The following DSE variants were observed in gnomAD, a reference collection of about 807,000 sequenced individuals.
The protein encoded by DSE is dermatan sulfate epimerase, also known as dermatan-sulfate epimerase.
In DSE, 36 loss-of-function variants were observed where a neutral mutation model predicts 84.4. The observed-to-expected ratio is 0.43, with a 90% CI of 0.33 to 0.56. DSE has a LOEUF of 0.56. Among genes scored for constraint, DSE ranks in the 20% least tolerant of loss-of-function variants. DSE has a pLI of 0.06. For synonymous variants in DSE, 410 were observed against 430.1 expected, an observed-to-expected ratio of 0.95 and a Z score of 0.58; for missense variants, 862 against 1,169.6, an observed-to-expected ratio of 0.74 and a Z score of 3.84.
intron 3 of DSE, among the ~76,000 whole-genome samples, chr6:116,429,612 T>G (rs1433242519): frequency 6.6e-6 from 1 of 152,220 alleles, no homozygotes; most frequent in African/African-American, 2.4e-5. Context: ...AAGGATTAAC[T>G]AAGATTCTGT....
intron 2 of DSE, among the ~76,000 whole-genome samples, chr6:116,273,838 T>TG (rs1260490867): frequency 2.0e-5 from 3 of 150,736 alleles, no homozygotes; most frequent in Non-Finnish European, 4.4e-5. Flanking sequence ...TTTTTTGTTT[T>TG]TTTTTTTTTT....
rs989140636 is a variant in DSE, at chr6:116,426,804, G to T, written c.647G>T (p.Gly216Val). 1 of 1,613,888 alleles carries T rather than the reference G, an allele frequency of 6.2e-7. No homozygotes were observed. Among genetic ancestry groups the T allele is most frequent in the Admixed American group, 1.7e-5 (1 of 60,020 alleles). ...QPTNCMALLT[G>V]SLVLMNQGYL... ...ACCAACTGTATGGCTTTGCTCACGG[G>T]AAGCCTAGTCCTGATGAATCAAGGT... Residue 216 changes from glycine to valine, a missense_variant, in exon 3 of 6, where the codon GGA becomes GTA. By Grantham distance (109) the Gly-to-Val change is moderately radical (BLOSUM62 -3). Around this residue, in one of 4 missense-constraint regions of DSE, gnomAD observed 309 missense variants for 516.9 expected, o/e 0.60. Transcript: ENST00000644252.
intron 2 of DSE, among the ~76,000 whole-genome samples, chr6:116,281,566 A>G (rs1307565147): frequency 6.6e-6 from 1 of 152,164 alleles, no homozygotes; most frequent in African/African-American, 2.4e-5. Flanking sequence ...TTCAATATCA[A>G]GACCAGAAAT....
intron 2 of DSE, among the ~76,000 whole-genome samples, chr6:116,364,218 T>A (rs1183150679): frequency 6.6e-6 from 1 of 152,244 alleles, no homozygotes; most frequent in East Asian, 1.9e-4. Context: ...AACATTTTTT[T>A]AAAATGGCAG....
intron 2 of DSE, among the ~76,000 whole-genome samples, chr6:116,296,866 G>A (rs1460328231): frequency 6.6e-6 from 1 of 152,136 alleles, no homozygotes; most frequent in Non-Finnish European, 1.5e-5. Context: ...GTGAGAATCT[G>A]TTTGAATTTT....
At chr6:116,407,574 C>T (rs1782015799) in intron 2 of DSE, among the ~76,000 whole-genome samples, 1 of 152,168 alleles carries the variant, frequency 6.6e-6, no homozygotes, top group Admixed American at 6.5e-5. Context: ...CTTACAAATT[C>T]ACTGTCTTCC....
rs1161595975 is a variant in DSE, at chr6:116,436,510, A to G, written c.2042A>G (p.Gln681Arg). 1 of 1,614,158 alleles carries G rather than the reference A, an allele frequency of 6.2e-7. No individual in the cohort carries two copies. The highest frequency in any genetic ancestry group is 8.5e-7 in the Non-Finnish European group (1 of 1,179,998). ...AGCTTCACTGTCCACGGAGACTCTC[A>G]GCAACTGGATGTGTTCATAGCCACC... ...VQSFTVHGDS[Q>R]QLDVFIATSK... Residue 681 changes from glutamine to arginine, a missense_variant, in exon 6 of 6, where the codon CAG becomes CGG. Gln to Arg is a conservative substitution (Grantham distance 43). Coordinates refer to ENST00000644252, the MANE Select transcript of DSE (RefSeq NM_013352.4).
chr6:116,430,717 A>G (rs1343660431), intron 3 of DSE, among the ~76,000 whole-genome samples: 1 of 152,092 alleles, frequency 6.6e-6, no homozygotes, highest in Non-Finnish European at 1.5e-5. Flanking sequence ...AATTTTTTGT[A>G]ATTTTAGTGG....
At chr6:116,298,260 T>C (rs768702351) in intron 2 of DSE, among the ~76,000 whole-genome samples, 1 of 152,180 alleles carries the variant, frequency 6.6e-6, no homozygotes, top group African/African-American at 2.4e-5. Flanking sequence ...TCATAACCTG[T>C]GAATATGCTG....
intron 2 of DSE, among the ~76,000 whole-genome samples, chr6:116,314,616 A>T (rs1281041115): frequency 6.6e-6 from 1 of 152,196 alleles, no homozygotes; most frequent in Non-Finnish European, 1.5e-5. Context: ...GCTCTGGACT[A>T]AATATATTTG....
At chr6:116,390,661 A>G (rs997058929) in intron 1 of DSE, among the ~76,000 whole-genome samples, 3 of 152,196 alleles carry the variant, frequency 2.0e-5, no homozygotes, top group Non-Finnish European at 4.4e-5. Flanking sequence ...ATTGTAATAA[A>G]GAAATACTAA....
chr6:116,369,353 A>G (rs993617418), upstream of DSE, among the ~76,000 whole-genome samples: 1 of 152,274 alleles, frequency 6.6e-6, no homozygotes, highest in African/African-American at 2.4e-5. Context: ...CTTACGGATT[A>G]CATAATACAG....
intron 2 of DSE, among the ~76,000 whole-genome samples, chr6:116,317,154 G>T (rs1308668110): frequency 6.6e-6 from 1 of 152,174 alleles, no homozygotes; most frequent in East Asian, 1.9e-4. Flanking sequence ...AAGGCTGTTG[G>T]GGAATCCTCA....
rs138299432 is a variant in DSE, at chr6:116,279,553, G to A, written c.-54+20586G>A. ...GCCCTCTTCCTGCCCGGCTTTGATC[G>A]CCACATGACCGCGACCCCCAACAAC... is the stretch of plus-strand genomic sequence containing the variant. On this transcript the variant is annotated intron_variant, in intron 2 of 3. Transcript: ENST00000430252. The A allele has an allele frequency of 4.1e-5, 65 of 1,603,770 alleles. 1 individual carries two copies. The African/African-American group carries it at 8.1e-4, about 20-fold the overall frequency.
chr6:116,441,618 G>T lies in DSE; in HGVS notation c.*4273G>T, dbSNP rs887079208. The T allele has an allele frequency of 6.6e-6, 1 of 152,194 alleles. No homozygotes were observed. Among genetic ancestry groups the T allele is most frequent in the Non-Finnish European group, 1.5e-5 (1 of 68,046 alleles). The allele number at this position is 152,194 out of a possible 1,614,324, so 9.4% of individuals were successfully genotyped here. On this transcript the variant is annotated 3_prime_UTR_variant, in exon 6 of 6. Transcript: ENST00000644252. ...AGTCAGGGTAAGGAGACTGGGAAGAGGAGGCCATAATTTTAAATGTGGTGA... is the reference window on the plus strand; with the variant it reads ...AGTCAGGGTAAGGAGACTGGGAAGATGAGGCCATAATTTTAAATGTGGTGA...
rs536981826 is a variant in DSE at position 116,375,412 on chromosome 6, G to A, written c.-54+4291G>A. On this transcript the variant is annotated intron_variant, in intron 1 of 5. Transcript: ENST00000644252. ...CTAGCTACTTGGGAGGCTGAGATGG[G>A]AGGATCACTTGAGCCCAGGAGTTCG... 359 of 343,734 alleles carry A rather than the reference G, an allele frequency of 1.0e-3. 1 individual carries two copies. Among genetic ancestry groups the A allele is most frequent in the Non-Finnish European group, 1.4e-3 (343 of 243,596 alleles). 21.3% of individuals were successfully genotyped at this position (343,734 alleles called of 1,614,324 possible). A position where few individuals can be genotyped will look rare whatever the true frequency, so the allele number is the denominator to read the frequency against.
chr6:116,333,279 T>C (rs1777058673), intron 2 of DSE, among the ~76,000 whole-genome samples: 1 of 152,212 alleles, frequency 6.6e-6, no homozygotes, highest in Non-Finnish European at 1.5e-5. Flanking sequence ...CTCATGGTTC[T>C]GGAGGCTGGG....
intron 2 of DSE, among the ~76,000 whole-genome samples, chr6:116,361,514 G>A (rs1778886501): frequency 6.6e-6 from 1 of 152,084 alleles, no homozygotes; most frequent in Non-Finnish European, 1.5e-5. Context: ...AAGAGAGCTG[G>A]GTGTGATGGT....
chr6:116,303,663 G>A lies in DSE; in HGVS notation c.-54+44696G>A, dbSNP rs117622886. Among the ~76,000 whole-genome samples the A allele has an allele frequency of 7.4e-4, 112 of 150,604 alleles. 1 individual carries two copies. The East Asian group carries it at 0.02, about 27-fold the overall frequency. On this transcript the variant is annotated intron_variant, in intron 2 of 3. Transcript: ENST00000430252. ...CAGGTGACGATAGGGGTAGGGGAGG[G>A]CTGGTTGGGGAAGGATGCTGGTAGG...
Sources: allele counts gnomAD v4.1 joint callset (sites outside exome capture counted in the v4.1 genomes callset), GRCh38; gene constraint gnomAD v4.1.1; regional missense constraint gnomAD v4.1.1; transcripts MANE v1.5; gene names NCBI Gene and HGNC (gene_info 2026-07-23, HGNC 2026-07-21).